The following SMG6 variants were observed in gnomAD, a reference collection of about 807,000 sequenced individuals.
SMG6 encodes the protein telomerase-binding protein EST1A.
A neutral mutation model predicts 142.2 loss-of-function variants in SMG6; 66 were observed. The observed-to-expected ratio is 0.46, with a 90% confidence interval of 0.38 to 0.57. The LOEUF is 0.57. Among genes scored for constraint, SMG6 ranks in the 20% least tolerant of loss-of-function variants. SMG6 has a pLI of 0.00. For synonymous variants in SMG6, 779 were observed against 702.4 expected (o/e 1.11, Z -1.72); for missense variants, 1,793 against 1,832.0 (o/e 0.98, Z 0.39).
chr17:2,060,724 G>A lies in SMG6; in HGVS notation c.*768C>T, dbSNP rs903158. On this transcript the variant is annotated 3_prime_UTR_variant, in exon 19 of 19. Transcript: ENST00000263073. Reference sequence around the variant, plus strand: ...ACGGAAAGAAAGGCCAGTGAGGAGAGAGGGAGCAGGTGGAGGCCACCCGAG... The same window carrying A: ...ACGGAAAGAAAGGCCAGTGAGGAGAAAGGGAGCAGGTGGAGGCCACCCGAG... 108,016 of 152,142 alleles carry A rather than the reference G, an allele frequency of 0.71. 39,099 individuals carry two copies. The highest frequency in any genetic ancestry group is 0.87 in the East Asian group (4,502 of 5,152). 9.4% of individuals were successfully genotyped at this position (152,142 alleles called of 1,614,324 possible).
chr17:2,299,881 C>T lies in SMG6; in HGVS notation c.872G>A (p.Arg291Gln). Residue 291 changes from arginine to glutamine, a missense_variant, in exon 2 of 19, where the codon CGA (arginine) becomes CAA (glutamine). Coordinates refer to ENST00000263073, the MANE Select transcript of SMG6 (RefSeq NM_017575.5). The surrounding 1 kb of genome is among the most constrained non-coding windows in gnomAD (Gnocchi z 4.3). ...GGACACAGACACTTGCTTCTTCAGTCGTGGCCTCTCCTTGGTCCTATCCTG... is the reference window on the plus strand; with the variant it reads ...GGACACAGACACTTGCTTCTTCAGTTGTGGCCTCTCCTTGGTCCTATCCTG... ...RRQDRTKERP[R>Q]LKKQVSVSST... 1.2e-6 allele frequency: 2 copies of T among 1,614,012 alleles called. No homozygotes were observed. Among genetic ancestry groups the T allele is most frequent in the Non-Finnish European group, 1.7e-6 (2 of 1,179,982 alleles).
At position 2,128,398 on chromosome 17, in the gene SMG6, G is replaced by A. The variant is rs78741904; in HGVS notation, c.3358-42497C>T. On this transcript the variant is annotated intron_variant, in intron 13 of 18. Coordinates refer to ENST00000263073, the MANE Select transcript of SMG6 (RefSeq NM_017575.5). ...GCGGCCAGTAGTTACCATACTAGAC[G>A]GTGTCAAGTAGAACACTTTCCCCAC... 3.4e-3 allele frequency among the ~76,000 whole-genome samples: 520 copies of A among 152,254 alleles called. 12 individuals are homozygous for A. The East Asian group carries it at 0.065, about 19-fold the overall frequency.
At chr17:2,166,794 G>C (rs1171795656) in intron 13 of SMG6, among the ~76,000 whole-genome samples, 1 of 152,158 alleles carries the variant, frequency 6.6e-6, no homozygotes, top group African/African-American at 2.4e-5. Flanking sequence ...ACTCTGTGAA[G>C]TATGCTAAAT....
At chr17:2,118,493 C>T (rs907796144) in intron 13 of SMG6, among the ~76,000 whole-genome samples, 1 of 151,934 alleles carries the variant, frequency 6.6e-6, no homozygotes, top group Non-Finnish European at 1.5e-5. Flanking sequence ...GAGCCAAGAT[C>T]GTGCCACTGC....
At chr17:2,162,073 G>A (rs1273812069) in intron 13 of SMG6, among the ~76,000 whole-genome samples, 1 of 152,122 alleles carries the variant, frequency 6.6e-6, no homozygotes, top group Non-Finnish European at 1.5e-5. Flanking sequence ...AATGATTGAG[G>A]ACTAAACAAA....
At chr17:2,091,298 G>C (rs1205025895) in intron 13 of SMG6, among the ~76,000 whole-genome samples, 1 of 152,360 alleles carries the variant, frequency 6.6e-6, no homozygotes, top group African/African-American at 2.4e-5. Flanking sequence ...CTCCTGGCAG[G>C]AAGCAGACTC....
intron 10 of SMG6, among the ~76,000 whole-genome samples, chr17:2,232,383 C>T (rs906209493): frequency 6.6e-6 from 1 of 152,108 alleles, no homozygotes; most frequent in African/African-American, 2.4e-5. Flanking sequence ...CTCAGGAATG[C>T]CTTAGAGAGA....
chr17:2,226,608 A>C (rs1354636516), intron 10 of SMG6, among the ~76,000 whole-genome samples: 23 of 151,438 alleles, frequency 1.5e-4, no homozygotes, highest in African/African-American at 4.6e-4. Context: ...ACAAAAAAAA[A>C]ACAAACAAGT....
intron 18 of SMG6, chr17:2,062,340 G>GT (rs930689614): frequency 6.6e-6 from 1 of 152,256 alleles, no homozygotes; most frequent in African/African-American, 2.4e-5. Context: ...GAAGACCTGT[G>GT]TATCCTTCCA....
chr17:2,101,489 G>C (rs2069005700), intron 13 of SMG6: 3 of 152,158 alleles, frequency 2.0e-5, no homozygotes. Flanking sequence ...TGTAGATGAG[G>C]AAACTAAAAT....
At chr17:2,098,819 C>T (rs759991497) in intron 13 of SMG6, among the ~76,000 whole-genome samples, 11 of 150,382 alleles carry the variant, frequency 7.3e-5, no homozygotes, top group Non-Finnish European at 1.3e-4. Context: ...TTAATAGAGA[C>T]GGAGCTTCCC....
rs76964594 is a variant in SMG6, at chr17:2,251,269, A to G, written c.2662-6550T>C. Among the ~76,000 whole-genome samples the G allele has an allele frequency of 7.1e-5, 10 of 141,180 alleles. No individual in the cohort carries two copies. In the East Asian group the frequency reaches 1.8e-3, roughly 26 times the overall value. 92.6% of individuals were successfully genotyped at this position (141,180 alleles called of 152,430 possible). On this transcript the variant is annotated intron_variant, in intron 8 of 18. Coordinates refer to ENST00000263073, the MANE Select transcript of SMG6 (RefSeq NM_017575.5). Reference sequence around the variant, plus strand: ...TTCCTCTTTCCAGGATATACAGATTAAAAAAAAAAAAAAGCACGGGAAAAC... The same window carrying G: ...TTCCTCTTTCCAGGATATACAGATTGAAAAAAAAAAAAAGCACGGGAAAAC...
At chr17:2,267,933 G>A (rs187415973) in intron 8 of SMG6, among the ~76,000 whole-genome samples, 2,233 of 152,076 alleles carry the variant, frequency 0.015, 36 homozygotes, top group Non-Finnish European at 0.017. Context: ...ATTTTTAGTA[G>A]AGACGGGGTT....
intron 12 of SMG6, among the ~76,000 whole-genome samples, chr17:2,177,780 G>C (rs1165892363): frequency 6.6e-6 from 1 of 152,152 alleles, no homozygotes; most frequent in Non-Finnish European, 1.5e-5. Flanking sequence ...AGCCAAGATG[G>C]CACAGAAGCT....
intron 8 of SMG6, 75 bp downstream of exon 8, chr17:2,282,572 C>T: frequency 6.9e-7 from 1 of 1,450,508 alleles, no homozygotes; most frequent in Non-Finnish European, 9.7e-7. Flanking sequence ...GTATCTGTGC[C>T]TCACAGCTGT....
chr17:2,119,304 G>A (rs1013292286), intron 13 of SMG6, among the ~76,000 whole-genome samples: 10 of 151,956 alleles, frequency 6.6e-5, no homozygotes, highest in South Asian at 2.1e-4. Context: ...TGATCTGCCC[G>A]CCTCGGCCTC....
At chr17:2,258,236 G>C (rs145241960) in intron 8 of SMG6, among the ~76,000 whole-genome samples, 4 of 151,988 alleles carry the variant, frequency 2.6e-5, no homozygotes, top group Middle Eastern at 3.4e-3. Context: ...CCTAGAGCCT[G>C]AGCTCTTTAT....
intron 13 of SMG6, among the ~76,000 whole-genome samples, chr17:2,136,492 T>G (rs1429357638): frequency 6.6e-6 from 1 of 152,220 alleles, no homozygotes; most frequent in Admixed American, 6.5e-5. Context: ...TGTTTCCTTT[T>G]CGCCTGCTCC....
chr17:2,121,587 C>CTGTGTGTGTGTGTGTGTGTGTG (rs71150850), intron 13 of SMG6, among the ~76,000 whole-genome samples: 24 of 139,774 alleles, frequency 1.7e-4, no homozygotes, highest in African/African-American at 6.1e-4. Flanking sequence ...ACATGTCTGT[C>CTGTGTGTGTGTGTGTGTGTGTG]TGTGTGTGTG....
Sources: gnomAD v4.1 joint callset for allele counts (sites outside exome capture counted in the v4.1 genomes callset) on GRCh38, gnomAD v4.1.1 for gene constraint, Gnocchi (gnomAD v3.1) non-coding constraint, MANE v1.5 for transcripts, NCBI Gene and HGNC (gene_info 2026-07-23, HGNC 2026-07-21) for gene names.